PSMG2: variants seen among roughly 807,000 people sequenced by gnomAD.
PSMG2 encodes CD40 ligand-activated specific transcript 3.
Under a neutral mutation model 31.5 loss-of-function variants are expected in PSMG2, and 21 were observed. The ratio of observed to expected loss-of-function variants is 0.67; its 90% CI spans 0.47 to 0.96. The LOEUF is 0.96. PSMG2 is among the 40% of genes least tolerant of loss of function. The probability of loss-of-function intolerance (pLI) is 0.00; values close to 1 mark genes in which losing one functional copy is unlikely to be tolerated. For synonymous variants in PSMG2, 120 were observed against 110.4 expected (o/e 1.09, Z -0.54); for missense variants, 318 against 321.2 (o/e 0.99, Z 0.08).
At chr18:12,702,793 G>C, upstream of PSMG2, 1 of 567,488 alleles carries the variant, frequency 1.8e-6, no homozygotes, top group Non-Finnish European at 3.1e-6. Flanking sequence ...GGGCTGGCCC[G>C]CACGCTGCCT....
At chr18:12,706,495 A>C in intron 1 of PSMG2, 55 bp from the exon 2 acceptor site, 1 of 1,577,954 alleles carries the variant, frequency 6.3e-7, no homozygotes, top group Non-Finnish European at 8.7e-7. Context: ...TCAAAAAATA[A>C]AATAAAGTGC....
At chr18:12,659,460 A>G (rs1203460907) in intron 1 of PSMG2, among the ~76,000 whole-genome samples, 1 of 152,122 alleles carries the variant, frequency 6.6e-6, no homozygotes, top group East Asian at 1.9e-4. Context: ...TGAGGTCAGG[A>G]GTTCGAGACC....
chr18:12,672,962 A>G (rs1211211596), intron 1 of PSMG2: 1 of 985,298 alleles, frequency 1.0e-6, no homozygotes, highest in African/African-American at 1.7e-5. Context: ...TGTATAAAAT[A>G]ATTCCATTAA....
At position 12,712,689 on chromosome 18, in the gene PSMG2, C is replaced by T. The variant is rs748014913; in HGVS notation, c.230-13C>T. ...CACTGTCATATGATTTCATTTTCTT[C>T]TTGTTTTTATAGTGTATTCATTGCC... On this transcript the variant is annotated splice_polypyrimidine_tract_variant and intron_variant, in intron 2 of 6. Coordinates refer to ENST00000317615, the MANE Select transcript of PSMG2 (RefSeq NM_020232.5). 8.3e-6 allele frequency: 13 copies of T among 1,574,752 alleles called. No individual in the cohort carries two copies. In the Admixed American group the frequency reaches 1.7e-4, roughly 21 times the overall value.
rs1339911703 is a variant in PSMG2 at position 12,708,366 on chromosome 18, C to CT, written c.229+1657dup. ...ATTACTATGAGCTAAATGCCATGTA[C>CT]TTTTTTTTTTTTAATGAGATGGAGT... On this transcript the variant is annotated intron_variant, in intron 2 of 6. Coordinates refer to ENST00000317615, the MANE Select transcript of PSMG2 (RefSeq NM_020232.5). 5.0e-3 allele frequency among the ~76,000 whole-genome samples: 732 copies of CT among 145,202 alleles called. 4 individuals are homozygous for CT. The highest frequency in any genetic ancestry group is 7.0e-3 in the African/African-American group (279 of 40,088).
chr18:12,658,765 A>G, exon 1 of PSMG2: 1 of 363,192 alleles, frequency 2.8e-6, no homozygotes, highest in South Asian at 2.0e-5. Context: ...CTCCACTCCC[A>G]TCTTCAGGGT....
intron 1 of PSMG2, chr18:12,673,583 A>G: frequency 8.0e-7 from 1 of 1,250,596 alleles, no homozygotes; most frequent in Admixed American, 2.6e-5. Context: ...ATCAGTATTT[A>G]AAATAATTTT....
chr18:12,719,565 T>C (rs549620955), intron 4 of PSMG2, among the ~76,000 whole-genome samples: 21 of 151,832 alleles, frequency 1.4e-4, no homozygotes, highest in Non-Finnish European at 2.5e-4. Flanking sequence ...TTTTTGTAAT[T>C]TTAGTGGAGG....
intron 1 of PSMG2, among the ~76,000 whole-genome samples, chr18:12,679,974 A>G (rs2039286873): frequency 6.6e-6 from 1 of 151,730 alleles, no homozygotes; most frequent in Non-Finnish European, 1.5e-5. Context: ...GAGGACCACC[A>G]GAACCCAGGA....
chr18:12,678,997 T>G (rs959122563), intron 1 of PSMG2: 2 of 152,100 alleles, frequency 1.3e-5, no homozygotes, highest in Non-Finnish European at 1.5e-5. Context: ...TTAAAATAAT[T>G]TGGTTATGCA....
rs1333803395 is a variant in PSMG2 at position 12,705,574 on chromosome 18, AGAGTGT to A, written c.58-974_58-969del. 8.4e-3 allele frequency among the ~76,000 whole-genome samples: 1,134 copies of A among 135,764 alleles called. 12 individuals are homozygous for A. Among genetic ancestry groups the A allele is most frequent in the African/African-American group, 0.03 (1,081 of 35,756 alleles). 89.1% of individuals were successfully genotyped at this position (135,764 alleles called of 152,430 possible). A position where few individuals can be genotyped will look rare whatever the true frequency, so the allele number is the denominator to read the frequency against. ...GAGAGAGAGAGAGAGAGAGAGAGAG[AGAGTGT>A]GTGTGTGTGTGTGTGTGTGTGTGTT... On this transcript the variant is annotated intron_variant, in intron 1 of 6. Transcript: ENST00000317615.
At chr18:12,723,983 CT>C (rs2040453301) in intron 5 of PSMG2, 1 of 152,268 alleles carries the variant, frequency 6.6e-6, no homozygotes, top group South Asian at 2.1e-4. Context: ...CTAATTATAG[CT>C]TCTTCAGGAT....
At chr18:12,700,862 C>T, upstream of PSMG2, 1 of 993,852 alleles carries the variant, frequency 1.0e-6, no homozygotes, top group Non-Finnish European at 1.5e-6. Flanking sequence ...AGTGGTTTTA[C>T]TAAAACGAAA....
intron 1 of PSMG2, among the ~76,000 whole-genome samples, chr18:12,693,780 T>G (rs1179137533): frequency 6.6e-6 from 1 of 152,100 alleles, no homozygotes; most frequent in Non-Finnish European, 1.5e-5. Flanking sequence ...AGACTCTGTC[T>G]GAAAAAAACA....
chr18:12,694,162 C>T (rs757102014), intron 1 of PSMG2, among the ~76,000 whole-genome samples: 14 of 152,032 alleles, frequency 9.2e-5, no homozygotes, highest in Non-Finnish European at 1.8e-4. Context: ...GGTATATATA[C>T]CACCCATGAC....
chr18:12,699,385 C>T (rs535906760), upstream of PSMG2, among the ~76,000 whole-genome samples: 44 of 152,234 alleles, frequency 2.9e-4, 1 homozygote, highest in African/African-American at 9.9e-4. Context: ...GGAGAAGATA[C>T]ACAAAATATG....
upstream of PSMG2, chr18:12,702,486 C>A (rs766389457): frequency 1.2e-6 from 2 of 1,608,124 alleles, no homozygotes; most frequent in Non-Finnish European, 8.5e-7. Context: ...CGACTCTCAC[C>A]TTGCTCAGCT....
chr18:12,674,630 T>A, intron 1 of PSMG2: 1 of 1,614,070 alleles, frequency 6.2e-7, no homozygotes, highest in South Asian at 1.1e-5. Flanking sequence ...GCCCTTCTTA[T>A]GGCATCTTGA....
intron 1 of PSMG2, among the ~76,000 whole-genome samples, chr18:12,659,846 G>A (rs1359746590): frequency 6.0e-5 from 9 of 151,204 alleles, no homozygotes; most frequent in Admixed American, 4.6e-4. Context: ...AGGCAAACAT[G>A]TAATTCCTTA....
Sources: allele counts gnomAD v4.1 joint callset (sites outside exome capture counted in the v4.1 genomes callset), GRCh38; gene constraint gnomAD v4.1.1; transcripts MANE v1.5; gene names NCBI Gene and HGNC (gene_info 2026-07-23, HGNC 2026-07-21).